The following RBMS3 variants were observed in gnomAD, a reference collection of about 807,000 sequenced individuals.
RBMS3 encodes the protein RNA binding motif single stranded interacting protein 3.
In RBMS3, 27 loss-of-function variants were observed where a neutral mutation model predicts 66.8. That is an observed-to-expected ratio of 0.40 (90% confidence interval 0.30 to 0.56). The LOEUF is 0.56. Ranked by LOEUF, RBMS3 falls within the 20% of genes least tolerant of loss-of-function variation. The pLI is 0.40. For synonymous variants in RBMS3, 188 were observed against 183.0 expected (o/e 1.03, Z -0.22); for missense variants, 513 against 549.5 (o/e 0.93, Z 0.66).
chr3:29,970,515 A>G (rs1423308744), intron 12 of RBMS3, among the ~76,000 whole-genome samples: 1 of 151,922 alleles, frequency 6.6e-6, no homozygotes, highest in Non-Finnish European at 1.5e-5. Context: ...TATTTTTTCC[A>G]GTGAATGGGA....
intron 1 of RBMS3, among the ~76,000 whole-genome samples, chr3:29,303,690 G>A (rs9865738): frequency 0.074 from 11,318 of 151,920 alleles, 408 homozygotes; most frequent in South Asian, 0.12. Context: ...TGTACTTACC[G>A]CAATAACAGA....
intron 4 of RBMS3, among the ~76,000 whole-genome samples, chr3:29,599,914 A>G (rs992036268): frequency 7.9e-5 from 12 of 152,144 alleles, no homozygotes; most frequent in African/African-American, 2.9e-4. Flanking sequence ...ATATACTAAA[A>G]GACAAATATA....
chr3:29,459,829 AC>A (rs1325963938), intron 2 of RBMS3, among the ~76,000 whole-genome samples: 4 of 152,224 alleles, frequency 2.6e-5, no homozygotes, highest in African/African-American at 9.6e-5. Context: ...CAATTTGCTA[AC>A]ATGAAGCAAG....
At chr3:29,303,993 C>T (rs1447493355) in intron 1 of RBMS3, among the ~76,000 whole-genome samples, 2 of 151,912 alleles carry the variant, frequency 1.3e-5, no homozygotes, top group African/African-American at 4.8e-5. Flanking sequence ...ACCATGAGAA[C>T]AGTATGGGGG....
At chr3:29,504,616 G>C (rs2044110772) in intron 3 of RBMS3, among the ~76,000 whole-genome samples, 1 of 151,868 alleles carries the variant, frequency 6.6e-6, no homozygotes, top group Non-Finnish European at 1.5e-5. Context: ...CCCAGTAGTG[G>C]GATTGCTGGA....
intron 1 of RBMS3, among the ~76,000 whole-genome samples, chr3:29,317,791 T>C (rs978607199): frequency 2.0e-5 from 3 of 151,796 alleles, no homozygotes; most frequent in Non-Finnish European, 4.4e-5. Context: ...GAGTTTGTTT[T>C]ACTCATCTTT....
chr3:29,851,087 C>T (rs2058922661), intron 6 of RBMS3, among the ~76,000 whole-genome samples: 1 of 152,204 alleles, frequency 6.6e-6, no homozygotes, highest in Non-Finnish European at 1.5e-5. Context: ...ATTACTTCCT[C>T]TTCTGTCAGT....
At chr3:29,928,534 C>A (rs1001869095) in intron 10 of RBMS3, among the ~76,000 whole-genome samples, 7 of 151,944 alleles carry the variant, frequency 4.6e-5, no homozygotes, top group Admixed American at 3.3e-4. Context: ...AAGCTATATA[C>A]CATGGGGGCC....
At chr3:29,482,701 C>CTTTCTTTCTTTTTT (rs759435190) in intron 2 of RBMS3, among the ~76,000 whole-genome samples, 16 of 77,514 alleles carry the variant, frequency 2.1e-4, no homozygotes, top group Non-Finnish European at 2.5e-4. Context: ...TTCTTTCTTT[C>CTTTCTTTCTTTTTT]TTTTTTTTTT....
chr3:29,765,918 G>A, intron 6 of RBMS3: 1 of 156,422 alleles, frequency 6.4e-6, no homozygotes, highest in Non-Finnish European at 1.4e-5. Flanking sequence ...GCTTGTGCAG[G>A]CAAACTTCCC....
chr3:29,993,841 A>T (rs1699038505), intron 14 of RBMS3, among the ~76,000 whole-genome samples: 1 of 152,178 alleles, frequency 6.6e-6, no homozygotes, highest in South Asian at 2.1e-4. Context: ...CCAGCTGCAG[A>T]TCATTGTAGA....
intron 8 of RBMS3, among the ~76,000 whole-genome samples, chr3:29,893,190 T>C (rs2060045798): frequency 6.6e-6 from 1 of 151,556 alleles, no homozygotes; most frequent in African/African-American, 2.4e-5. Flanking sequence ...ACTCTCTGAC[T>C]TGAGTGGCAG....
chr3:29,751,285 C>T (rs2055170017), intron 5 of RBMS3, among the ~76,000 whole-genome samples: 1 of 152,106 alleles, frequency 6.6e-6, no homozygotes, highest in Non-Finnish European at 1.5e-5. Context: ...TTTAATAAAA[C>T]ATTATGACCA....
At chr3:29,676,148 C>A (rs1302813760) in intron 4 of RBMS3, among the ~76,000 whole-genome samples, 1 of 152,114 alleles carries the variant, frequency 6.6e-6, no homozygotes, top group Non-Finnish European at 1.5e-5. Flanking sequence ...AGCTGGAAAC[C>A]ATCATTCTCA....
intron 1 of RBMS3, among the ~76,000 whole-genome samples, chr3:29,408,207 G>A (rs2040109062): frequency 6.8e-6 from 1 of 146,616 alleles, no homozygotes; most frequent in Non-Finnish European, 1.5e-5. Flanking sequence ...GGGAGGCGGA[G>A]CTTGCAGTGA....
chr3:29,673,886 C>T (rs2051117657), intron 4 of RBMS3, among the ~76,000 whole-genome samples: 1 of 152,144 alleles, frequency 6.6e-6, no homozygotes, highest in African/African-American at 2.4e-5. Context: ...GGAGGGAATC[C>T]TCCCTAACTC....
intron 3 of RBMS3, among the ~76,000 whole-genome samples, chr3:29,514,648 C>CATATATATATATATATAT (rs1491498729): frequency 4.2e-5 from 2 of 47,952 alleles, no homozygotes; most frequent in South Asian, 7.5e-4. Flanking sequence ...GTGTGATAGG[C>CATATATATATATATATAT]ACATATATAT....
At chr3:29,712,603 A>G (rs547934949) in intron 4 of RBMS3, among the ~76,000 whole-genome samples, 98 of 152,276 alleles carry the variant, frequency 6.4e-4, no homozygotes, top group African/African-American at 2.3e-3. Flanking sequence ...AGAAGCCACT[A>G]TGCCCTGCAG....
At chr3:29,641,867 T>A (rs2049728275) in intron 4 of RBMS3, among the ~76,000 whole-genome samples, 1 of 152,044 alleles carries the variant, frequency 6.6e-6, no homozygotes, top group Admixed American at 6.6e-5. Context: ...GAAATTTGCC[T>A]GGTCCTTCTA....
Sources: gnomAD v4.1 joint callset for allele counts (sites outside exome capture counted in the v4.1 genomes callset) on GRCh38, gnomAD v4.1.1 for gene constraint, MANE v1.5 for transcripts, NCBI Gene and HGNC (gene_info 2026-07-23, HGNC 2026-07-21) for gene names.